LCP2: variants seen among roughly 807,000 people sequenced by gnomAD.
LCP2 encodes the protein lymphocyte cytosolic protein 2.
In LCP2, 29 loss-of-function variants were observed where a neutral mutation model predicts 74.5. The observed-to-expected ratio is 0.39, with a 90% CI of 0.29 to 0.53. The LOEUF is 0.53. Among genes scored for constraint, LCP2 ranks in the 20% least tolerant of loss-of-function variants. The pLI is 0.72. For synonymous variants in LCP2, 228 were observed against 229.5 expected (o/e 0.99, Z 0.06); for missense variants, 604 against 634.6 (o/e 0.95, Z 0.52).
chr5:170,282,425 G>A (rs1762120772), intron 3 of LCP2, among the ~76,000 whole-genome samples: 1 of 152,188 alleles, frequency 6.6e-6, no homozygotes, highest in African/African-American at 2.4e-5. Flanking sequence ...CTCCTGAAAA[G>A]TTAGCTCTTT....
rs771191241 is a variant in LCP2 at position 170,275,783 on chromosome 5, A to G, written c.254+12T>C. ...GAAAAATCTTGCGTTTCCTTACACC[A>G]GCCGCACTCACTTGCGTGTGAAGAT... On this transcript the variant is annotated intron_variant, in intron 4 of 20. Transcript: ENST00000046794. 9 of 1,573,062 alleles carry G rather than the reference A, an allele frequency of 5.7e-6. No individual in the cohort carries two copies. In the African/African-American group the frequency reaches 1.2e-4, roughly 21 times the overall value.
In LCP2 at chr5:170,254,685, G is replaced by A. The variant is rs558720178; in HGVS notation, c.1151-1472C>T. Among the ~76,000 whole-genome samples, 27 of 152,304 alleles carry A rather than the reference G, an allele frequency of 1.8e-4. No individual in the cohort carries two copies. In the South Asian group the frequency reaches 3.7e-3, roughly 21 times the overall value. ...CAGGAGAGTAACAGAACCAAGGCCC[G>A]CATTGCATGGCCATTCTACAGTTAA... On this transcript the variant is annotated intron_variant, in intron 17 of 20. Transcript: ENST00000046794.
At chr5:170,269,229 C>G (rs315750) in intron 7 of LCP2, among the ~76,000 whole-genome samples, 84,445 of 152,138 alleles carry the variant, frequency 0.56, 23,952 homozygotes, top group East Asian at 0.85. Flanking sequence ...CACATCTCCA[C>G]GGAAGTGTCC....
Position 170,256,678 on chromosome 5 carries a change from G to T in LCP2, c.1101-103C>A. 1.2e-6 allele frequency: 1 copy of T among 819,222 alleles called. No individual in the cohort carries two copies. Among genetic ancestry groups the T allele is most frequent in the Non-Finnish European group, 2.1e-6 (1 of 470,098 alleles). 50.7% of individuals were successfully genotyped at this position (819,222 alleles called of 1,614,324 possible). A position where few individuals can be genotyped will look rare whatever the true frequency, so the allele number is the denominator to read the frequency against. ...CAGGCTGCAAATGCTTCTTGATTTG[G>T]TATCACTTTCCCTGCTGCCCCCAAA... On this transcript the variant is annotated intron_variant, in intron 16 of 20. Transcript: ENST00000046794. This position sits in a 1 kb window ranked among gnomAD's most constrained non-coding sequence, Gnocchi z 4.5.
chr5:170,275,906 C>T (rs889621610), intron 3 of LCP2, 46 bp from the exon 4 acceptor site: 2 of 1,491,224 alleles, frequency 1.3e-6, no homozygotes, highest in East Asian at 2.5e-5. Context: ...ATCACTCAGT[C>T]TCAACCTTCC....
intron 13 of LCP2, 85 bp from the exon 14 acceptor site, chr5:170,261,222 A>G (rs1411939024): frequency 2.9e-6 from 3 of 1,028,688 alleles, no homozygotes; most frequent in South Asian, 1.4e-5. Flanking sequence ...GCTTCATTGA[A>G]TAATGAGAAA....
chr5:170,267,784 T>C (rs1761795615), intron 8 of LCP2, among the ~76,000 whole-genome samples: 1 of 152,144 alleles, frequency 6.6e-6, no homozygotes, highest in Admixed American at 6.5e-5. Flanking sequence ...GCTCAGACAA[T>C]ATTTGCTGAT....
rs1761554107 is a variant in LCP2, at chr5:170,256,494, T to C, written c.1150+32A>G. On this transcript the variant is annotated intron_variant, in intron 17 of 20. Transcript: ENST00000046794. This position sits in a 1 kb window ranked among gnomAD's most constrained non-coding sequence, Gnocchi z 4.5. ...GATCCAGTCATAAAGGCTTGATGGCTGAAGCACGTCACAAAAGCCCAGAGT... is the reference window on the plus strand; with the variant it reads ...GATCCAGTCATAAAGGCTTGATGGCCGAAGCACGTCACAAAAGCCCAGAGT... 1.3e-6 allele frequency: 2 copies of C among 1,589,748 alleles called. No individual in the cohort carries two copies. The highest frequency in any genetic ancestry group is 1.7e-6 in the Non-Finnish European group (2 of 1,158,032).
At position 170,261,112 on chromosome 5, in the gene LCP2, C is replaced by G. The variant is rs773532115; in HGVS notation, c.952G>C (p.Glu318Gln). 2.7e-5 allele frequency: 44 copies of G among 1,602,962 alleles called. No individual in the cohort carries two copies. The highest frequency in any genetic ancestry group is 3.6e-5 in the Non-Finnish European group (42 of 1,170,202). ...PKHGWGPDRR[E>Q]NDEDDVHQRP... ...AACTGACATTTTGTACTTACATTCT[C>G]TCTTCTGTCTGGTCCCCATCCATGC... The change falls in exon 14 of 21, where the codon GAG becomes CAG. Residue 318 changes from glutamate to glutamine, a missense_variant. Glu to Gln is a conservative substitution (Grantham distance 29). Transcript: ENST00000046794.
In LCP2 at chr5:170,256,476, T is replaced by A; in HGVS notation, c.1150+50A>T. The A allele has an allele frequency of 6.9e-7, 1 of 1,454,528 alleles. No individual in the cohort carries two copies. Among genetic ancestry groups the A allele is most frequent in the Non-Finnish European group, 9.7e-7 (1 of 1,034,646 alleles). The allele number at this position is 1,454,528 out of a possible 1,614,324, so 90.1% of individuals were successfully genotyped here. A position where few individuals can be genotyped will look rare whatever the true frequency, so the allele number is the denominator to read the frequency against. ...CTTTTGGGACAGGTTAGGGATCCAGTCATAAAGGCTTGATGGCTGAAGCAC... is the reference window on the plus strand; with the variant it reads ...CTTTTGGGACAGGTTAGGGATCCAGACATAAAGGCTTGATGGCTGAAGCAC... On this transcript the variant is annotated intron_variant, in intron 17 of 20. Coordinates refer to ENST00000046794, the MANE Select transcript of LCP2 (RefSeq NM_005565.5). The surrounding 1 kb of genome is among the most constrained non-coding windows in gnomAD (Gnocchi z 4.5).
intron 20 of LCP2, among the ~76,000 whole-genome samples, chr5:170,249,392 A>C (rs566010225): frequency 7.0e-6 from 1 of 143,564 alleles, no homozygotes; most frequent in African/African-American, 2.8e-5. Flanking sequence ...CTACATATCT[A>C]TATATATATA....
chr5:170,252,319 G>T, intron 19 of LCP2, 115 bp downstream of exon 19: 1 of 564,148 alleles, frequency 1.8e-6, no homozygotes, highest in Non-Finnish European at 3.2e-6. Flanking sequence ...AGGTATTACA[G>T]AAAGCAACAG....
chr5:170,264,978 CTTTTT>C (rs58508083), intron 10 of LCP2, among the ~76,000 whole-genome samples: 1,371 of 108,732 alleles, frequency 0.013, 12 homozygotes, highest in African/African-American at 0.046. Flanking sequence ...CAAAATTTGC[CTTTTT>C]TTTTTTTTTT....
chr5:170,250,185 T>C (rs989821300), intron 20 of LCP2, among the ~76,000 whole-genome samples: 11 of 152,174 alleles, frequency 7.2e-5, no homozygotes. Context: ...GCCCTGAGGG[T>C]TTCTTTCCAT....
intron 16 of LCP2, among the ~76,000 whole-genome samples, chr5:170,257,358 C>T (rs1012735076): frequency 1.3e-5 from 2 of 152,096 alleles, no homozygotes; most frequent in African/African-American, 4.8e-5. Flanking sequence ...GAGAATCCTG[C>T]TAGGAGTTGG....
At chr5:170,274,013 C>T (rs36094591) in intron 6 of LCP2, 152,682 of 443,374 alleles carry the variant, frequency 0.34, 30,330 homozygotes, top group Middle Eastern at 0.46. Flanking sequence ...TCTGTGTTTG[C>T]AAATGAAGGT....
At chr5:170,272,597 CTTTTTTTTTTTTT>C (rs61463939) in intron 6 of LCP2, among the ~76,000 whole-genome samples, 14 of 40,356 alleles carry the variant, frequency 3.5e-4, no homozygotes, top group South Asian at 1.4e-3. Flanking sequence ...CAAATATTTT[CTTTTTTTTTTTTT>C]TTTTTTTTTT....
chr5:170,260,082 T>C (rs979776736), intron 14 of LCP2, among the ~76,000 whole-genome samples: 1 of 152,176 alleles, frequency 6.6e-6, no homozygotes, highest in Non-Finnish European at 1.5e-5. Flanking sequence ...CTGAGGGGAA[T>C]CCCCATGGGC....
intron 14 of LCP2, among the ~76,000 whole-genome samples, chr5:170,260,576 G>A (rs1038241911): frequency 2.6e-5 from 4 of 152,148 alleles, no homozygotes; most frequent in African/African-American, 7.2e-5. Flanking sequence ...AACTATCCTG[G>A]TTTTCCTAGG....
Sources: allele counts gnomAD v4.1 joint callset (sites outside exome capture counted in the v4.1 genomes callset), GRCh38; gene constraint gnomAD v4.1.1; non-coding constraint Gnocchi (gnomAD v3.1); transcripts MANE v1.5; gene names NCBI Gene and HGNC (gene_info 2026-07-23, HGNC 2026-07-21).